Variants in HERC3 observed in about 807,000 individuals in gnomAD.
The protein encoded by HERC3 is probable E3 ubiquitin-protein ligase HERC3.
HERC3 carries 58 observed loss-of-function variants against 129.9 expected under a neutral mutation model. That is an observed-to-expected ratio of 0.45 (90% CI 0.36 to 0.56). HERC3 has a LOEUF of 0.56. Ranked by LOEUF, HERC3 falls within the 20% of genes least tolerant of loss-of-function variation. The pLI is 0.00. For synonymous variants in HERC3, 430 were observed against 451.0 expected, an observed-to-expected ratio of 0.95 and a Z score of 0.59; for missense variants, 835 against 1,244.2, an observed-to-expected ratio of 0.67 and a Z score of 4.95.
chr4:88,564,118 C>A, the HERC3 span, among the ~76,000 whole-genome samples: 1 of 152,180 alleles, frequency 6.6e-6, no homozygotes, highest in African/African-American at 2.4e-5. Context: ...TAGAACCATG[C>A]TTGCATCCCT....
chr4:88,659,731 TTTTAAGTA>T (rs1244313662), intron 10 of HERC3, among the ~76,000 whole-genome samples: 1 of 152,068 alleles, frequency 6.6e-6, no homozygotes, highest in Non-Finnish European at 1.5e-5. Flanking sequence ...AGTAATAGAG[TTTTAAGTA>T]TTTATTTCCC....
At position 88,707,021 on chromosome 4, in the gene HERC3, A is replaced by G; in HGVS notation, c.*61A>G. On this transcript the variant is annotated 3_prime_UTR_variant, in exon 26 of 26. Transcript: ENST00000402738. Reference sequence around the variant, plus strand: ...TCAGTGTCCACATTGAGGCCTATACAGAAAATCATGGGGAGTGATTTCTAT... The same window carrying G: ...TCAGTGTCCACATTGAGGCCTATACGGAAAATCATGGGGAGTGATTTCTAT... The G allele has an allele frequency of 2.3e-6, 3 of 1,310,724 alleles. No homozygotes were observed. The South Asian group carries it at 3.6e-5, about 16-fold the overall frequency. The allele number at this position is 1,310,724 out of a possible 1,614,324, so 81.2% of individuals were successfully genotyped here.
intron 13 of HERC3, 22 bp from the exon 14 acceptor site, chr4:88,667,870 A>G (rs1731210488): frequency 6.4e-7 from 1 of 1,563,924 alleles, no homozygotes; most frequent in Non-Finnish European, 8.8e-7. Context: ...TGAATTTCTC[A>G]TTACTCTTTT....
At chr4:88,655,803 T>TA in intron 8 of HERC3, 72 bp from the exon 9 acceptor site, 1 of 1,487,642 alleles carries the variant, frequency 6.7e-7, no homozygotes, top group Non-Finnish European at 9.2e-7. Context: ...ATGTGGAAGT[T>TA]AAAAGTCAGA....
intron 3 of HERC3, among the ~76,000 whole-genome samples, chr4:88,611,892 A>G (rs1235295953): frequency 6.6e-6 from 1 of 152,308 alleles, no homozygotes; most frequent in East Asian, 1.9e-4. Context: ...GTTTCCTGTT[A>G]AAATGCAAAC....
chr4:88,549,706 TTTC>T, the HERC3 span, among the ~76,000 whole-genome samples: 3 of 149,772 alleles, frequency 2.0e-5, no homozygotes, highest in East Asian at 6.5e-4. Context: ...TCTTTTTCTT[TTTC>T]TTTTTTTTCT....
At chr4:88,551,538 C>A in the HERC3 span, among the ~76,000 whole-genome samples, 5 of 150,894 alleles carry the variant, frequency 3.3e-5, no homozygotes, top group Non-Finnish European at 7.4e-5. Flanking sequence ...AAAAAATGCT[C>A]ATCATCACTG....
the HERC3 span, among the ~76,000 whole-genome samples, chr4:88,558,967 C>CAAAAAA: frequency 3.6e-5 from 4 of 111,880 alleles, no homozygotes; most frequent in South Asian, 8.2e-4. Context: ...GACTCTGTCT[C>CAAAAAA]AAAAAAAAAA....
Position 88,652,024 on chromosome 4 carries a change from G to A in HERC3, c.399G>A (p.Lys133=). The A allele has an allele frequency of 1.2e-6, 2 of 1,613,390 alleles. No homozygotes were observed. Among genetic ancestry groups the A allele is most frequent in the Non-Finnish European group, 1.7e-6 (2 of 1,179,384 alleles). ...DSVAVPRLIQ[K]LNQQTILQVS... ...TTTTCTGTTTTAGGTTAATACAAAA[G>A]CTGAACCAGCAAACAATATTACAAG... Residue 133 remains lysine, a synonymous_variant, in exon 5 of 26, where the codon AAG becomes AAA. Coordinates refer to ENST00000402738, the MANE Select transcript of HERC3 (RefSeq NM_014606.3).
chr4:88,647,461 G>C (rs1401394612), intron 3 of HERC3, among the ~76,000 whole-genome samples: 1 of 152,142 alleles, frequency 6.6e-6, no homozygotes, highest in Non-Finnish European at 1.5e-5. Flanking sequence ...TTGGTACAAG[G>C]TGGAAATTTG....
Position 88,670,239 on chromosome 4 carries a change from A to G in HERC3, c.1898A>G (p.His633Arg). 6.2e-7 allele frequency: 1 copy of G among 1,604,746 alleles called. No homozygotes were observed. The highest frequency in any genetic ancestry group is 8.5e-7 in the Non-Finnish European group (1 of 1,171,522). Residue 633 changes from histidine (H) to arginine (R), a missense_variant, in exon 16 of 26, where the codon CAT becomes CGT. Transcript: ENST00000402738. The part of the protein sequence containing the change: ...IQEDYLMWFL[H>R]QAGMKARPSI... Reference sequence around the variant, plus strand: ...GAAGACTACCTCATGTGGTTCTTGCATCAAGCAGGGATGGTAAGAATTCAT... The same window carrying G: ...GAAGACTACCTCATGTGGTTCTTGCGTCAAGCAGGGATGGTAAGAATTCAT...
the HERC3 span, among the ~76,000 whole-genome samples, chr4:88,524,384 A>G: frequency 1.3e-5 from 2 of 152,238 alleles, no homozygotes; most frequent in Non-Finnish European, 2.9e-5. Context: ...AGGGGCCTAA[A>G]TAGCTGTGTA....
At chr4:88,534,771 T>C in the HERC3 span, among the ~76,000 whole-genome samples, 3 of 152,336 alleles carry the variant, frequency 2.0e-5, no homozygotes, top group East Asian at 3.9e-4. Flanking sequence ...GCTAGTGCAT[T>C]ATGGTACCTT....
chr4:88,667,305 A>C, intron 12 of HERC3, 72 bp from the exon 13 acceptor site: 2 of 735,142 alleles, frequency 2.7e-6, no homozygotes, highest in Non-Finnish European at 4.5e-6. Flanking sequence ...ACAGTATTTT[A>C]CTTGTTTATA....
At chr4:88,534,479 A>C in the HERC3 span, among the ~76,000 whole-genome samples, 1 of 151,094 alleles carries the variant, frequency 6.6e-6, no homozygotes, top group Admixed American at 6.6e-5. Context: ...TTAGTCTAAC[A>C]GTTTTGTTTT....
At chr4:88,528,126 C>T in the HERC3 span, 1 of 237,838 alleles carries the variant, frequency 4.2e-6, no homozygotes, top group African/African-American at 2.3e-5. Flanking sequence ...TGCACTGACC[C>T]CAAACAGCCA....
chr4:88,630,536 G>C (rs1726630494), intron 3 of HERC3, among the ~76,000 whole-genome samples: 1 of 152,202 alleles, frequency 6.6e-6, no homozygotes, highest in Non-Finnish European at 1.5e-5. Context: ...GCAGGCCGTG[G>C]TTGTATGGAA....
At chr4:88,523,920 G>A in the HERC3 span, 1 of 525,462 alleles carries the variant, frequency 1.9e-6, no homozygotes, top group Non-Finnish European at 3.3e-6. Flanking sequence ...CAGCCCCAGG[G>A]CAGAGGCCTC....
rs1192966687 is a variant in HERC3, at chr4:88,706,970, G to C, written c.*10G>C. On this transcript the variant is annotated 3_prime_UTR_variant, in exon 26 of 26. Transcript: ENST00000402738. The stretch of plus-strand genomic sequence containing the variant: ...GTTTAGTTTGGCCTGAGGCTTCTCA[G>C]CTTGTCCAGTATTTCCCTTCGTTCC... 6.2e-7 allele frequency: 1 copy of C among 1,607,854 alleles called. No individual in the cohort carries two copies. The highest frequency in any genetic ancestry group is 1.3e-5 in the African/African-American group (1 of 74,810).
Sources: allele counts gnomAD v4.1 joint callset (sites outside exome capture counted in the v4.1 genomes callset), GRCh38; gene constraint gnomAD v4.1.1; transcripts MANE v1.5; gene names NCBI Gene and HGNC (gene_info 2026-07-23, HGNC 2026-07-21).